ACACB: variants seen among roughly 807,000 people sequenced by gnomAD.
ACACB encodes acetyl-CoA carboxylase 2.
ACACB carries 209 observed loss-of-function variants against 278.8 expected under a neutral mutation model. The observed-to-expected ratio is 0.75, with a 90% confidence interval of 0.67 to 0.84. The LOEUF (loss-of-function observed/expected upper bound fraction) is 0.84. Among genes scored for constraint, ACACB ranks in the 40% least tolerant of loss-of-function variants. The pLI, the probability that ACACB is intolerant of heterozygous loss-of-function variation, is 0.00. For synonymous variants in ACACB, 1,174 were observed against 1,285.6 expected (o/e 0.91, Z 1.86); for missense variants, 2,850 against 3,269.0 (o/e 0.87, Z 3.13).
At chr12:109,258,544 A>T (rs1452006868) in intron 46 of ACACB, among the ~76,000 whole-genome samples, 180 bp downstream of exon 46, 1 of 152,220 alleles carries the variant, frequency 6.6e-6, no homozygotes, top group African/African-American at 2.4e-5. Context: ...TATGGGTTGC[A>T]TAAATGGCTG....
intron 12 of ACACB, among the ~76,000 whole-genome samples, chr12:109,186,503 T>G (rs1245485350): frequency 6.6e-6 from 1 of 152,154 alleles, no homozygotes; most frequent in Non-Finnish European, 1.5e-5. Flanking sequence ...CAGTATGAAG[T>G]CTGGCTCATT....
rs765367679 is a variant in ACACB, at chr12:109,266,318, G to T, written c.7333G>T (p.Val2445Phe). 2 of 1,613,292 alleles carry T rather than the reference G, an allele frequency of 1.2e-6. No individual in the cohort carries two copies. The highest frequency in any genetic ancestry group is 1.1e-5 in the South Asian group (1 of 91,032). The stretch of plus-strand genomic sequence containing the variant: ...CATCAGCCCAGCTGAGCGGGCGCAG[G>T]TCGTTCACCTGCTGTCTACCATGGA... Reference protein sequence around the residue: ...QHISPAERAQVVHLLSTMDSP... With the variant: ...QHISPAERAQFVHLLSTMDSP... Residue 2445 changes from valine to phenylalanine, a missense_variant, in exon 53 of 53, where the codon GTC (valine) becomes TTC (phenylalanine). Coordinates refer to ENST00000338432, the MANE Select transcript of ACACB (RefSeq NM_001093.4).
At chr12:109,217,765 A>C (rs545130495) in intron 24 of ACACB, among the ~76,000 whole-genome samples, 1 of 152,040 alleles carries the variant, frequency 6.6e-6, no homozygotes, top group South Asian at 2.1e-4. Flanking sequence ...ACACCACTAC[A>C]CTCCAGCCTG....
At chr12:109,165,516 A>G (rs2043868640) in intron 2 of ACACB, among the ~76,000 whole-genome samples, 1 of 152,162 alleles carries the variant, frequency 6.6e-6, no homozygotes, top group African/African-American at 2.4e-5. Context: ...TGTACTGGGA[A>G]TCTATTAGGA....
intron 5 of ACACB, 101 bp downstream of exon 5, chr12:109,172,015 C>A: frequency 4.1e-6 from 4 of 983,126 alleles, no homozygotes; most frequent in Non-Finnish European, 6.2e-6. Context: ...GGGTCCAGAT[C>A]CCACAAGGCT....
At chr12:109,248,118 G>C (rs1337710808) in intron 40 of ACACB, among the ~76,000 whole-genome samples, 1 of 152,144 alleles carries the variant, frequency 6.6e-6, no homozygotes, top group African/African-American at 2.4e-5. Flanking sequence ...TTTCTCAGTG[G>C]GATTAACTGA....
chr12:109,171,852 A>C lies in ACACB; in HGVS notation c.973A>C (p.Asn325His), dbSNP rs1239447082. ...DHYVPVPGGP[N>H]NNNYANVELI... Reference sequence around the variant, plus strand: ...TTACGTCCCCGTCCCAGGAGGGCCCAATAACAACAACTATGCCAACGTGGA... The same window carrying C: ...TTACGTCCCCGTCCCAGGAGGGCCCCATAACAACAACTATGCCAACGTGGA... The change falls in exon 5 of 53, where the codon AAT becomes CAT. Residue 325 changes from asparagine to histidine, a missense_variant. Physicochemically the swap from Asn to His is moderately conservative, Grantham distance 68. This residue lies in a region of ACACB where 2,265 missense variants were observed against 2,561.3 expected (regional missense o/e 0.88). Transcript: ENST00000338432. The C allele has an allele frequency of 3.1e-6, 5 of 1,614,070 alleles. No homozygotes were observed. The highest frequency in any genetic ancestry group is 4.2e-6 in the Non-Finnish European group (5 of 1,180,026).
intron 45 of ACACB, among the ~76,000 whole-genome samples, chr12:109,258,005 A>G (rs1430166758): frequency 6.6e-6 from 1 of 152,172 alleles, no homozygotes; most frequent in East Asian, 1.9e-4. Context: ...CTCGTCACAG[A>G]AAGTTCTAGT....
intron 28 of ACACB, among the ~76,000 whole-genome samples, chr12:109,229,810 G>C (rs192367837): frequency 1.9e-4 from 29 of 152,316 alleles, no homozygotes; most frequent in African/African-American, 6.5e-4. Flanking sequence ...TGGGATGACA[G>C]GCGCCACCAT....
At chr12:109,207,193 T>C (rs2045546844) in intron 20 of ACACB, among the ~76,000 whole-genome samples, 1 of 152,208 alleles carries the variant, frequency 6.6e-6, no homozygotes, top group Admixed American at 6.5e-5. Context: ...TGGGCTCAAG[T>C]GATCCATCCG....
intron 34 of ACACB, among the ~76,000 whole-genome samples, chr12:109,239,499 C>G (rs916588275): frequency 1.3e-5 from 2 of 152,204 alleles, no homozygotes; most frequent in Admixed American, 1.3e-4. Context: ...TCAGCAGACC[C>G]TGGCATATAG....
intron 11 of ACACB, among the ~76,000 whole-genome samples, chr12:109,182,535 C>A (rs2044514199): frequency 2.6e-5 from 4 of 151,990 alleles, no homozygotes; most frequent in Admixed American, 6.6e-5. Context: ...GCCCAGCTAA[C>A]TTTTTAAAAT....
At chr12:109,262,570 C>T in intron 49 of ACACB, 101 bp downstream of exon 49, 3 of 656,362 alleles carry the variant, frequency 4.6e-6, no homozygotes, top group Non-Finnish European at 8.0e-6. Flanking sequence ...TGAAAAAATA[C>T]CAAAATACAG....
At chr12:109,212,776 G>T in intron 21 of ACACB, 60 bp from the exon 22 acceptor site, 1 of 1,434,714 alleles carries the variant, frequency 7.0e-7, no homozygotes. Flanking sequence ...CTTTCTTTAG[G>T]GGACTGCTGT....
rs115529319 is a variant in ACACB, at chr12:109,149,244, T to C, written c.653+9186T>C. Among the ~76,000 whole-genome samples the C allele has an allele frequency of 1.3e-3, 201 of 152,248 alleles. 1 individual carries two copies. Among genetic ancestry groups the C allele is most frequent in the African/African-American group, 4.7e-3 (197 of 41,548 alleles). ...TCCTCCTCCTAACTTGTTCTTTCTA[T>C]TAGTGGGAAGGGTTGGGAGATTAGG... On this transcript the variant is annotated intron_variant, in intron 2 of 52. Coordinates refer to ENST00000338432, the MANE Select transcript of ACACB (RefSeq NM_001093.4).
At chr12:109,188,218 C>T in intron 13 of ACACB, 56 bp downstream of exon 13, 1 of 1,427,784 alleles carries the variant, frequency 7.0e-7, no homozygotes, top group East Asian at 2.4e-5. Flanking sequence ...TCCTTCCTTC[C>T]TTCCTTCCTT....
chr12:109,221,894 TG>T (rs1555225730), intron 24 of ACACB, among the ~76,000 whole-genome samples: 4 of 128,240 alleles, frequency 3.1e-5, no homozygotes, highest in Admixed American at 7.5e-5. Flanking sequence ...TTTTTTTTTT[TG>T]GGGGGGAGAC....
intron 32 of ACACB, 83 bp downstream of exon 32, chr12:109,235,452 A>T: frequency 6.7e-7 from 1 of 1,492,406 alleles, no homozygotes; most frequent in Non-Finnish European, 9.3e-7. Context: ...TATTTTGTAG[A>T]TTTGGGTGAA....
chr12:109,260,179 G>A (rs746917166), intron 47 of ACACB: 31 of 1,426,764 alleles, frequency 2.2e-5, no homozygotes, highest in Non-Finnish European at 2.8e-5. Context: ...GCTGGAAATG[G>A]TGGGGCAGGG....
Sources: allele counts gnomAD v4.1 joint callset (sites outside exome capture counted in the v4.1 genomes callset), GRCh38; gene constraint gnomAD v4.1.1; regional missense constraint gnomAD v4.1.1; transcripts MANE v1.5; gene names NCBI Gene and HGNC (gene_info 2026-07-23, HGNC 2026-07-21).